NECTIN3: variants seen among roughly 807,000 people sequenced by gnomAD.
The protein encoded by NECTIN3 is nectin cell adhesion molecule 3.
In NECTIN3, 8 loss-of-function variants were observed where a neutral mutation model predicts 49.4. The ratio of observed to expected loss-of-function variants is 0.16; its 90% CI spans 0.10 to 0.29. The LOEUF (loss-of-function observed/expected upper bound fraction) is 0.29, where lower values mean the gene tolerates loss of function less well. NECTIN3 is among the 10% of genes least tolerant of loss of function. The pLI, the probability that NECTIN3 is intolerant of heterozygous loss-of-function variation, is 1.00. For missense variants in NECTIN3, 581 were observed against 654.6 expected (o/e 0.89, Z 1.23); for synonymous variants, 277 against 241.1 (o/e 1.15, Z -1.38).
chr3:111,098,518 A>G (rs1421963317), intron 1 of NECTIN3, among the ~76,000 whole-genome samples: 2 of 152,096 alleles, frequency 1.3e-5, no homozygotes, highest in Non-Finnish European at 2.9e-5. Flanking sequence ...GTGTCTTTAC[A>G]TGGCCTTCTC....
intron 5 of NECTIN3, among the ~76,000 whole-genome samples, chr3:111,144,155 A>G (rs918018434): frequency 3.3e-5 from 5 of 152,006 alleles, no homozygotes; most frequent in Non-Finnish European, 7.4e-5. Flanking sequence ...TTTTTGGAAA[A>G]ATGTGAAATG....
intron 7 of NECTIN3, among the ~76,000 whole-genome samples, chr3:111,181,037 C>A (rs1296361063): frequency 6.6e-6 from 1 of 152,064 alleles, no homozygotes; most frequent in Non-Finnish European, 1.5e-5. Flanking sequence ...ATGGATGTAA[C>A]CATTGCCCCA....
upstream of NECTIN3, among the ~76,000 whole-genome samples, chr3:111,187,421 A>G (rs2035740586): frequency 6.6e-6 from 1 of 152,026 alleles, no homozygotes; most frequent in African/African-American, 2.4e-5. Context: ...AACAACAATT[A>G]AGCATACTCT....
At chr3:111,086,941 A>C (rs1366791996) in intron 1 of NECTIN3, among the ~76,000 whole-genome samples, 1 of 152,020 alleles carries the variant, frequency 6.6e-6, no homozygotes, top group Non-Finnish European at 1.5e-5. Context: ...ATAACTGTAA[A>C]TTTTAGATTA....
chr3:111,121,366 A>ATG (rs2033945563), intron 3 of NECTIN3, among the ~76,000 whole-genome samples: 1 of 152,174 alleles, frequency 6.6e-6, no homozygotes, highest in African/African-American at 2.4e-5. Flanking sequence ...GGAGCTAAAC[A>ATG]GAGTGATGGT....
At chr3:111,124,265 C>T (rs921274181) in intron 4 of NECTIN3, among the ~76,000 whole-genome samples, 1 of 152,040 alleles carries the variant, frequency 6.6e-6, no homozygotes, top group South Asian at 2.1e-4. Flanking sequence ...AATCATTTAA[C>T]CCCTCTAATC....
chr3:111,072,587 G>C lies in NECTIN3; in HGVS notation c.160+410G>C, dbSNP rs1303045817. The stretch of plus-strand genomic sequence containing the variant: ...TTGAGCTGTGAGCCCAGAAACCCTA[G>C]GGACCGGAGCCCGATGGAATGAAGC... On this transcript the variant is annotated intron_variant, in intron 1 of 5. Coordinates refer to ENST00000485303, the MANE Select transcript of NECTIN3 (RefSeq NM_015480.3). 2.6e-6 allele frequency: 4 copies of C among 1,534,162 alleles called. No individual in the cohort carries two copies. In the African/African-American group the frequency reaches 4.1e-5, roughly 16 times the overall value.
At chr3:111,121,217 G>A (rs1219895452) in intron 3 of NECTIN3, among the ~76,000 whole-genome samples, 3 of 148,286 alleles carry the variant, frequency 2.0e-5, no homozygotes, top group Non-Finnish European at 3.0e-5. Flanking sequence ...GTTTCACTGT[G>A]TTAGCCAGGA....
At chr3:111,131,224 TAA>T (rs1231157737) in intron 5 of NECTIN3, among the ~76,000 whole-genome samples, 6 of 152,142 alleles carry the variant, frequency 3.9e-5, no homozygotes, top group Admixed American at 2.6e-4. Context: ...AAAGGAAACT[TAA>T]AGTTCTTCAT....
intron 1 of NECTIN3, among the ~76,000 whole-genome samples, chr3:111,084,192 G>T (rs1354434568): frequency 6.6e-6 from 1 of 151,340 alleles, no homozygotes; most frequent in African/African-American, 2.5e-5. Context: ...TGTGAGAGAG[G>T]GAAGTTACAA....
chr3:111,082,868 G>A (rs1484853867), intron 1 of NECTIN3, among the ~76,000 whole-genome samples: 1 of 152,206 alleles, frequency 6.6e-6, no homozygotes, highest in African/African-American at 2.4e-5. Flanking sequence ...TGGGGGTGAT[G>A]GGAGATAGTG....
intron 7 of NECTIN3, among the ~76,000 whole-genome samples, chr3:111,153,729 T>C (rs1369993206): frequency 6.6e-6 from 1 of 152,138 alleles, no homozygotes; most frequent in Non-Finnish European, 1.5e-5. Flanking sequence ...GAAGTATCCA[T>C]ACCTTTATTA....
At position 111,134,891 on chromosome 3, in the gene NECTIN3, G is replaced by A; in HGVS notation, c.*676G>A. The A allele has an allele frequency of 7.1e-6, 7 of 983,808 alleles. No individual in the cohort carries two copies. The highest frequency in any genetic ancestry group is 8.4e-6 in the Non-Finnish European group (7 of 828,712). The allele number at this position is 983,808 out of a possible 1,614,324, so 60.9% of individuals were successfully genotyped here. A position where few individuals can be genotyped will look rare whatever the true frequency, so the allele number is the denominator to read the frequency against. On this transcript the variant is annotated 3_prime_UTR_variant, in exon 6 of 6. Transcript: ENST00000485303. ...AACTCAGTGAACATGATGTGTGGAAGAGCATAATTAGCTGGTCAATATTTT... is the reference window on the plus strand; with the variant it reads ...AACTCAGTGAACATGATGTGTGGAAAAGCATAATTAGCTGGTCAATATTTT...
At chr3:111,114,634 A>G (rs757846059) in intron 2 of NECTIN3, among the ~76,000 whole-genome samples, 12 of 152,210 alleles carry the variant, frequency 7.9e-5, no homozygotes, top group Non-Finnish European at 1.5e-4. Context: ...TAGTTGAGTC[A>G]GTCCTCAGTG....
At chr3:111,149,128 T>C (rs925818480) in intron 7 of NECTIN3, among the ~76,000 whole-genome samples, 9 of 152,132 alleles carry the variant, frequency 5.9e-5, no homozygotes, top group African/African-American at 2.2e-4. Flanking sequence ...GAGAGCACTT[T>C]TATCCTAAAA....
intron 1 of NECTIN3, among the ~76,000 whole-genome samples, chr3:111,093,031 T>C (rs999619357): frequency 6.6e-6 from 1 of 152,234 alleles, no homozygotes; most frequent in African/African-American, 2.4e-5. Flanking sequence ...ATTGTTAAAT[T>C]TTTTCATATT....
chr3:111,092,522 A>G (rs1032493587), intron 1 of NECTIN3, among the ~76,000 whole-genome samples: 3 of 152,082 alleles, frequency 2.0e-5, no homozygotes, highest in African/African-American at 7.2e-5. Flanking sequence ...ATGGATATCT[A>G]GTTGTTGCAG....
chr3:111,181,977 A>C (rs1326146654), intron 7 of NECTIN3, among the ~76,000 whole-genome samples: 1 of 151,902 alleles, frequency 6.6e-6, no homozygotes, highest in Non-Finnish European at 1.5e-5. Context: ...TTCTAATACA[A>C]GCATTTAAAA....
At chr3:111,098,327 T>G (rs2032708538) in intron 1 of NECTIN3, among the ~76,000 whole-genome samples, 1 of 152,210 alleles carries the variant, frequency 6.6e-6, no homozygotes, top group Non-Finnish European at 1.5e-5. Flanking sequence ...ACTAGTGACT[T>G]AAATATATTC....
Sources: gnomAD v4.1 joint callset for allele counts (sites outside exome capture counted in the v4.1 genomes callset) on GRCh38, gnomAD v4.1.1 for gene constraint, MANE v1.5 for transcripts, NCBI Gene and HGNC (gene_info 2026-07-23, HGNC 2026-07-21) for gene names.